Variants in CWC25 observed in about 807,000 individuals in gnomAD.
The protein encoded by CWC25 is pre-mRNA-splicing factor CWC25 homolog.
A neutral mutation model predicts 54.6 loss-of-function variants in CWC25; 31 were observed. That is an observed-to-expected ratio of 0.57 (90% CI 0.43 to 0.77). CWC25 has a LOEUF of 0.77. CWC25 is among the 30% of genes least tolerant of loss of function. The pLI, the probability that CWC25 is intolerant of heterozygous loss-of-function variation, is 0.00. For missense variants in CWC25, 453 were observed against 529.3 expected (o/e 0.86, Z 1.41); for synonymous variants, 151 against 187.0 (o/e 0.81, Z 1.57).
In CWC25 at chr17:38,805,039, G is replaced by A. The variant is rs999020115; in HGVS notation, c.1001+1258C>T. ...GGAGAATCACTTGGGCCCAGGAGGCGGAAGTTGTGGTGAGCCGAGATTGGG... is the reference window on the plus strand; with the variant it reads ...GGAGAATCACTTGGGCCCAGGAGGCAGAAGTTGTGGTGAGCCGAGATTGGG... On this transcript the variant is annotated intron_variant, in intron 8 of 9. Transcript: ENST00000614790. 1.3e-3 allele frequency among the ~76,000 whole-genome samples: 201 copies of A among 151,832 alleles called. 1 individual carries two copies. Among genetic ancestry groups the A allele is most frequent in the African/African-American group, 4.7e-3 (194 of 41,382 alleles).
intron 1 of CWC25, among the ~76,000 whole-genome samples, chr17:38,822,603 C>T (rs1911966249): frequency 6.6e-6 from 1 of 152,060 alleles, no homozygotes; most frequent in South Asian, 2.1e-4. Context: ...TATCTAAAGA[C>T]AATTGTAAAC....
intron 3 of CWC25, among the ~76,000 whole-genome samples, chr17:38,813,391 T>A (rs1567673072): frequency 6.6e-6 from 1 of 150,752 alleles, no homozygotes; most frequent in Non-Finnish European, 1.5e-5. Context: ...GAGAATAACT[T>A]AAACCCAGGA....
At chr17:38,824,561 C>G (rs1488661694) in intron 1 of CWC25, among the ~76,000 whole-genome samples, 1 of 152,144 alleles carries the variant, frequency 6.6e-6, no homozygotes, top group Non-Finnish European at 1.5e-5. Context: ...TGGCGCATGC[C>G]TGTAATCCCA....
At chr17:38,819,961 C>T (rs543269437) in intron 2 of CWC25, among the ~76,000 whole-genome samples, 1 of 148,706 alleles carries the variant, frequency 6.7e-6, no homozygotes, top group South Asian at 2.2e-4. Context: ...CGTAAGCCAT[C>T]GTGCCTGGCT....
intron 1 of CWC25, 89 bp from the exon 2 acceptor site, chr17:38,821,162 C>A (rs1196596188): frequency 3.7e-6 from 5 of 1,345,262 alleles, no homozygotes; most frequent in African/African-American, 1.5e-5. Flanking sequence ...CCTTCCATAC[C>A]CAAGGCAGGC....
intron 6 of CWC25, among the ~76,000 whole-genome samples, chr17:38,807,890 C>T (rs1319571145): frequency 7.4e-6 from 1 of 135,448 alleles, no homozygotes; most frequent in Non-Finnish European, 1.6e-5. Context: ...AACACTGTCT[C>T]TACTAAAAAT....
In CWC25 at chr17:38,825,215, C is replaced by G. The variant is rs1368275495; in HGVS notation, c.-32G>C. Reference sequence around the variant, plus strand: ...GGAGACGATTCCTCACTACGCGGATCTGGAAGATTTCGGGAGGATCAAGAG... The same window carrying G: ...GGAGACGATTCCTCACTACGCGGATGTGGAAGATTTCGGGAGGATCAAGAG... On this transcript the variant is annotated 5_prime_UTR_variant, in exon 1 of 10. Transcript: ENST00000614790. 2 of 1,585,216 alleles carry G rather than the reference C, an allele frequency of 1.3e-6. No homozygotes were observed. The highest frequency in any genetic ancestry group is 2.3e-5 in the East Asian group (1 of 42,776).
chr17:38,809,581 A>C, intron 6 of CWC25, 121 bp downstream of exon 6: 1 of 799,518 alleles, frequency 1.3e-6, no homozygotes, highest in Non-Finnish European at 2.0e-6. Context: ...GCTCAGCGAT[A>C]AGAATGGGCC....
intron 2 of CWC25, among the ~76,000 whole-genome samples, chr17:38,819,533 A>ATTT (rs779646563): frequency 1.5e-5 from 2 of 137,222 alleles, no homozygotes; most frequent in Non-Finnish European, 3.2e-5. Flanking sequence ...CGCCCAGTTA[A>ATTT]TTTTTTTTTT....
chr17:38,814,745 CAAAAA>C (rs71138658), intron 3 of CWC25, 111 bp downstream of exon 3: 624 of 463,384 alleles, frequency 1.3e-3, no homozygotes, highest in Middle Eastern at 2.2e-3. Context: ...GACTCCGTCT[CAAAAA>C]AAAAAAAAAA....
rs1334300358 is a variant in CWC25 at position 38,801,371 on chromosome 17, A to G, written c.*721T>C. 6.6e-6 allele frequency: 1 copy of G among 152,198 alleles called. No homozygotes were observed. Among genetic ancestry groups the G allele is most frequent in the Non-Finnish European group, 1.5e-5 (1 of 68,038 alleles). 9.4% of individuals were successfully genotyped at this position (152,198 alleles called of 1,614,324 possible). ...CCCAGGCTCCTCCTAAACCAGCCAG[A>G]TTCAGAGAGAAAAACGAGCTGGCCT... On this transcript the variant is annotated 3_prime_UTR_variant, in exon 10 of 10. Transcript: ENST00000614790.
rs1373657551 is a variant in CWC25, at chr17:38,807,339, A to G, written c.691-363T>C. Among the ~76,000 whole-genome samples, 8 of 139,278 alleles carry G rather than the reference A, an allele frequency of 5.7e-5. 1 individual carries two copies. The highest frequency in any genetic ancestry group is 1.8e-4 in the African/African-American group (7 of 38,430). 91.4% of individuals were successfully genotyped at this position (139,278 alleles called of 152,430 possible). ...CTCCGTCTCAAAAAAAAAAAAAAAA[A>G]AAAGAAAAGGCAGTGAAACAGGAAA... On this transcript the variant is annotated intron_variant, in intron 6 of 9. Transcript: ENST00000614790.
In CWC25 at chr17:38,807,655, T is replaced by C. The variant is rs146368550; in HGVS notation, c.691-679A>G. Among the ~76,000 whole-genome samples, 534 of 132,642 alleles carry C rather than the reference T, an allele frequency of 4.0e-3. 70 individuals carry two copies. Among genetic ancestry groups the C allele is most frequent in the African/African-American group, 0.014 (519 of 36,176 alleles). 87.0% of individuals were successfully genotyped at this position (132,642 alleles called of 152,430 possible). A position where few individuals can be genotyped will look rare whatever the true frequency, so the allele number is the denominator to read the frequency against. On this transcript the variant is annotated intron_variant, in intron 6 of 9. Transcript: ENST00000614790. ...CCTGTAGTCCCAGCTACTCAGGAGG[T>C]TGAGGCAGAAGGATCCCTTGAGCCT...
At position 38,802,877 on chromosome 17, in the gene CWC25, A is replaced by T. The variant is rs1911086709; in HGVS notation, c.1002-16T>A. 3 of 1,613,462 alleles carry T rather than the reference A, an allele frequency of 1.9e-6. No individual in the cohort carries two copies. The African/African-American group carries it at 4.0e-5, about 22-fold the overall frequency. ...AGAGAGTTTTCTGTTGAGCACAGAA[A>T]CCATACGATCAGGTCTCTTCCAGCA... On this transcript the variant is annotated splice_polypyrimidine_tract_variant and intron_variant, in intron 8 of 9. Transcript: ENST00000614790.
intron 2 of CWC25, among the ~76,000 whole-genome samples, chr17:38,819,708 A>C (rs1911848493): frequency 6.7e-6 from 1 of 148,438 alleles, no homozygotes; most frequent in South Asian, 2.1e-4. Flanking sequence ...TTTGAGATGG[A>C]GTCTCAATCT....
intron 3 of CWC25, among the ~76,000 whole-genome samples, chr17:38,814,347 G>T (rs1911611340): frequency 6.7e-6 from 1 of 149,352 alleles, no homozygotes; most frequent in Non-Finnish European, 1.5e-5. Context: ...GCAGTGGCGT[G>T]ATCTCGGCTC....
chr17:38,807,755 C>CA (rs1408782738), intron 6 of CWC25, among the ~76,000 whole-genome samples: 13,452 of 82,380 alleles, frequency 0.16, 3,128 homozygotes, highest in African/African-American at 0.46. Context: ...GACCCTGTCT[C>CA]AAAAAAAAAA....
chr17:38,820,593 C>A (rs987883563), intron 2 of CWC25, among the ~76,000 whole-genome samples: 22 of 152,164 alleles, frequency 1.4e-4, no homozygotes, highest in African/African-American at 5.3e-4. Flanking sequence ...TCCTCCATCA[C>A]GGTTATCAGC....
chr17:38,810,491 G>A lies in CWC25; in HGVS notation c.603C>T (p.Ser201=). ...HRSSSSDRSS[S]EDEHSAGRSQ... ...ACCTCCCTGCACTGTGCTCATCCTC[G>A]CTGCTGGAACGATCACTACTCGAGC... Residue 201 remains serine, a synonymous_variant, in exon 5 of 10, where the codon AGC becomes AGT. Coordinates refer to ENST00000614790, the MANE Select transcript of CWC25 (RefSeq NM_017748.5). 3.1e-6 allele frequency: 5 copies of A among 1,601,986 alleles called. No individual in the cohort carries two copies. The highest frequency in any genetic ancestry group is 1.1e-5 in the South Asian group (1 of 88,418).
Sources: gnomAD v4.1 joint callset for allele counts (sites outside exome capture counted in the v4.1 genomes callset) on GRCh38, gnomAD v4.1.1 for gene constraint, MANE v1.5 for transcripts, NCBI Gene and HGNC (gene_info 2026-07-23, HGNC 2026-07-21) for gene names.